Variants in HDAC9 observed in about 807,000 individuals in gnomAD.
HDAC9 encodes histone deacetylase 9, also known as MEF-2 interacting transcription repressor (MITR) protein.
Under a neutral mutation model 139.4 loss-of-function variants are expected in HDAC9, and 41 were observed. The ratio of observed to expected loss-of-function variants is 0.29; its 90% CI spans 0.23 to 0.38. The LOEUF is 0.38. Among genes scored for constraint, HDAC9 ranks in the 10% least tolerant of loss-of-function variants. The probability of loss-of-function intolerance (pLI) is 1.00; values close to 1 mark genes in which losing one functional copy is unlikely to be tolerated. For synonymous variants in HDAC9, 517 were observed against 476.2 expected (o/e 1.09, Z -1.12); for missense variants, 1,147 against 1,297.0 (o/e 0.88, Z 1.78).
chr7:18,566,633 A>G (rs1822453528), intron 2 of HDAC9, among the ~76,000 whole-genome samples: 1 of 152,204 alleles, frequency 6.6e-6, no homozygotes, highest in South Asian at 2.1e-4. Flanking sequence ...CCCAGGATCC[A>G]TAGACGTGGA....
At chr7:18,518,983 T>C (rs1804115777) in intron 2 of HDAC9, among the ~76,000 whole-genome samples, 1 of 152,198 alleles carries the variant, frequency 6.6e-6, no homozygotes, top group South Asian at 2.1e-4. Context: ...AAATTGAATC[T>C]TTATGTCCAG....
rs1783325301 is a variant in HDAC9 at position 18,634,628 on chromosome 7, A to G, written c.798A>G (p.Glu266=). ...TTTGTACTTCACAATATTTTTCAGA[A>G]TCCTCAGTCAGTAGCAGTTCTCCAG... is the stretch of plus-strand genomic sequence containing the variant. ...SFKKRMFEVT[E]SSVSSSSPGS... Residue 266 remains glutamate, a splice_region_variant and synonymous_variant, in exon 8 of 26, where the codon GAA becomes GAG. Coordinates refer to ENST00000686413, the MANE Select transcript of HDAC9 (RefSeq NM_178425.4). The G allele has an allele frequency of 6.4e-7, 1 of 1,563,432 alleles. No individual in the cohort carries two copies. Among genetic ancestry groups the G allele is most frequent in the Non-Finnish European group, 8.7e-7 (1 of 1,148,586 alleles).
At chr7:18,899,010 G>A (rs933625139) in intron 22 of HDAC9, among the ~76,000 whole-genome samples, 9 of 152,032 alleles carry the variant, frequency 5.9e-5, no homozygotes, top group Non-Finnish European at 1.2e-4. Context: ...CAAAAAGTAT[G>A]AAGATTGCTG....
rs189650452 is a variant in HDAC9 at position 19,000,899 on chromosome 7, G to A, written c.*4837G>A. On this transcript the variant is annotated 3_prime_UTR_variant, in exon 26 of 26. Coordinates refer to ENST00000686413, the MANE Select transcript of HDAC9 (RefSeq NM_178425.4). Reference sequence around the variant, plus strand: ...ATGACCTTGACAACTTATTTTCTGAGATACCACTAGGCCTACTGTCTTTCA... The same window carrying A: ...ATGACCTTGACAACTTATTTTCTGAAATACCACTAGGCCTACTGTCTTTCA... 1 of 152,094 alleles carries A rather than the reference G, an allele frequency of 6.6e-6. No individual in the cohort carries two copies. Among genetic ancestry groups the A allele is most frequent in the Non-Finnish European group, 1.5e-5 (1 of 67,996 alleles). The allele number at this position is 152,094 out of a possible 1,614,324, so 9.4% of individuals were successfully genotyped here.
chr7:18,908,851 A>C (rs912369312), intron 22 of HDAC9, among the ~76,000 whole-genome samples: 6 of 152,110 alleles, frequency 3.9e-5, no homozygotes, highest in Non-Finnish European at 5.9e-5. Flanking sequence ...TATTGTGAAT[A>C]GTACTGCAAT....
At chr7:18,734,192 C>G (rs1338930440) in intron 13 of HDAC9, among the ~76,000 whole-genome samples, 2 of 152,000 alleles carry the variant, frequency 1.3e-5, no homozygotes, top group Admixed American at 6.6e-5. Flanking sequence ...TATATCAAAA[C>G]TTTTCATCAT....
chr7:18,175,991 A>G (rs560349433), intron 2 of HDAC9, among the ~76,000 whole-genome samples: 3 of 152,268 alleles, frequency 2.0e-5, no homozygotes, highest in East Asian at 1.9e-4. Flanking sequence ...AATTTGCCCT[A>G]GTAATTCTGC....
intron 12 of HDAC9, among the ~76,000 whole-genome samples, chr7:18,673,151 A>G (rs1186964260): frequency 1.3e-5 from 2 of 151,986 alleles, no homozygotes; most frequent in Non-Finnish European, 2.9e-5. Flanking sequence ...GTGTGGAAGG[A>G]TGTCTGTAGA....
intron 2 of HDAC9, among the ~76,000 whole-genome samples, chr7:18,514,687 C>T (rs1802609417): frequency 6.6e-6 from 1 of 152,150 alleles, no homozygotes; most frequent in Admixed American, 6.5e-5. Flanking sequence ...TGCCTATAAA[C>T]CTCAGGATTT....
At chr7:18,673,556 C>T (rs1050051021) in intron 12 of HDAC9, among the ~76,000 whole-genome samples, 2 of 151,978 alleles carry the variant, frequency 1.3e-5, no homozygotes, top group Non-Finnish European at 2.9e-5. Context: ...AGTCATATAA[C>T]ATCATTAAAA....
intron 25 of HDAC9, among the ~76,000 whole-genome samples, chr7:18,990,130 C>T (rs1221771277): frequency 2.0e-5 from 3 of 152,146 alleles, no homozygotes; most frequent in Non-Finnish European, 4.4e-5. Context: ...GAGAGGCACT[C>T]TGCGTTTTAG....
chr7:18,112,854 G>T (rs555644142), intron 1 of HDAC9, among the ~76,000 whole-genome samples: 1 of 152,330 alleles, frequency 6.6e-6, no homozygotes, highest in East Asian at 1.9e-4. Flanking sequence ...TGGCAGAGAA[G>T]GGATGTTGCA....
intron 22 of HDAC9, among the ~76,000 whole-genome samples, chr7:18,930,718 TAGAGTTC>T (rs1471260830): frequency 6.6e-6 from 1 of 152,190 alleles, no homozygotes; most frequent in Non-Finnish European, 1.5e-5. Flanking sequence ...ATGCATAACT[TAGAGTTC>T]AGCTGCCTCA....
intron 6 of HDAC9, among the ~76,000 whole-genome samples, chr7:18,599,515 A>G (rs1833385017): frequency 6.6e-6 from 1 of 152,076 alleles, no homozygotes; most frequent in Non-Finnish European, 1.5e-5. Context: ...TTGTCTCTAT[A>G]GTTTTGCCTT....
intron 17 of HDAC9, among the ~76,000 whole-genome samples, chr7:18,817,038 GTT>G (rs11308990): frequency 1.4e-4 from 19 of 140,432 alleles, no homozygotes; most frequent in African/African-American, 1.3e-4. Flanking sequence ...GAAGTTTTTT[GTT>G]TTTTTTTTTT....
chr7:18,386,851 T>C (rs1183313918), intron 1 of HDAC9, among the ~76,000 whole-genome samples: 1 of 152,242 alleles, frequency 6.6e-6, no homozygotes, highest in Non-Finnish European at 1.5e-5. Context: ...TAGTCTGGTC[T>C]CTTGGGATAC....
chr7:18,268,493 T>TA (rs10714538), intron 2 of HDAC9, among the ~76,000 whole-genome samples: 30 of 148,844 alleles, frequency 2.0e-4, no homozygotes, highest in South Asian at 4.2e-4. Flanking sequence ...AGAACCAAAT[T>TA]AAAAAAAAAA....
At chr7:18,108,246 G>A (rs1027254537) in intron 1 of HDAC9, among the ~76,000 whole-genome samples, 7 of 152,186 alleles carry the variant, frequency 4.6e-5, no homozygotes, top group African/African-American at 1.2e-4. Flanking sequence ...AAGGGTTGAC[G>A]GTTGGAAGTC....
At chr7:18,118,097 C>T (rs1362600885) in intron 1 of HDAC9, among the ~76,000 whole-genome samples, 1 of 152,194 alleles carries the variant, frequency 6.6e-6, no homozygotes, top group Non-Finnish European at 1.5e-5. Flanking sequence ...AGTTTAACCC[C>T]ATAGTAAAGC....
Sources: gnomAD v4.1 joint callset for allele counts (sites outside exome capture counted in the v4.1 genomes callset) on GRCh38, gnomAD v4.1.1 for gene constraint, MANE v1.5 for transcripts, NCBI Gene and HGNC (gene_info 2026-07-23, HGNC 2026-07-21) for gene names.